OPA1: variants seen among roughly 807,000 people sequenced by gnomAD.
The protein encoded by OPA1 is OPA1 mitochondrial dynamin like GTPase, also known as dynamin-like GTPase OPA1, mitochondrial.
A neutral mutation model predicts 152.9 loss-of-function variants in OPA1; 59 were observed. The ratio of observed to expected loss-of-function variants is 0.39; its 90% CI spans 0.31 to 0.48. The LOEUF is 0.48. Among genes scored for constraint, OPA1 ranks in the 20% least tolerant of loss-of-function variants. The pLI is 0.96. For missense variants in OPA1, 1,008 were observed against 1,216.8 expected, an observed-to-expected ratio of 0.83 and a Z score of 2.55; for synonymous variants, 400 against 389.9, an observed-to-expected ratio of 1.03 and a Z score of -0.31.
intron 1 of OPA1, among the ~76,000 whole-genome samples, chr3:193,601,902 C>T (rs1484086254): frequency 1.3e-5 from 2 of 152,132 alleles, no homozygotes; most frequent in Non-Finnish European, 2.9e-5. Context: ...GGCACTGGCA[C>T]CCTTGGAATC....
intron 7 of OPA1, among the ~76,000 whole-genome samples, chr3:193,630,568 A>T (rs878946234): frequency 6.6e-6 from 1 of 152,204 alleles, no homozygotes; most frequent in African/African-American, 2.4e-5. Flanking sequence ...TGCTGCCATG[A>T]TGTGTTGTGA....
intron 1 of OPA1, among the ~76,000 whole-genome samples, chr3:193,596,520 G>A (rs528892183): frequency 4.0e-5 from 6 of 151,744 alleles, no homozygotes; most frequent in South Asian, 2.1e-4. Flanking sequence ...GATTACAGGC[G>A]TGCGCCACTG....
intron 29 of OPA1, chr3:193,668,279 C>G: frequency 6.7e-7 from 1 of 1,495,514 alleles, no homozygotes. Context: ...TATACGTAAC[C>G]CAACTTGAAT....
intron 1 of OPA1, among the ~76,000 whole-genome samples, chr3:193,593,891 A>G (rs747792168): frequency 2.0e-5 from 3 of 151,668 alleles, no homozygotes; most frequent in Non-Finnish European, 4.4e-5. Flanking sequence ...TCTATCGGGG[A>G]AAGGGGCGTC....
intron 16 of OPA1, 145 bp from the exon 17 acceptor site, chr3:193,645,408 A>G (rs1734413809): frequency 1.1e-5 from 7 of 620,320 alleles, no homozygotes; most frequent in East Asian, 2.9e-5. Flanking sequence ...TCAAATAGCA[A>G]TGGAAAAACA....
At chr3:193,640,574 A>G (rs1733634359) in intron 11 of OPA1, among the ~76,000 whole-genome samples, 2 of 152,178 alleles carry the variant, frequency 1.3e-5, no homozygotes, top group Non-Finnish European at 2.9e-5. Flanking sequence ...AAAGGAGAAG[A>G]GATTAAAGAC....
chr3:193,642,895 G>A (rs1329132519), intron 12 of OPA1, 50 bp downstream of exon 12: 1 of 1,551,038 alleles, frequency 6.4e-7, no homozygotes, highest in African/African-American at 1.4e-5. Flanking sequence ...TAACCTGGAT[G>A]AGCTTATAAA....
rs765139537 is a variant in OPA1, at chr3:193,615,759, A to G, written c.437A>G (p.Tyr146Cys). ...GACATTGTGTGGGAAATTGATGAGT[A>G]TATCGATTTTGGTTTGTATCATGAA... Reference protein sequence around the residue: ...VPDIVWEIDEYIDFEKIRKAL... With the variant: ...VPDIVWEIDECIDFEKIRKAL... The change falls in exon 3 of 31, where the codon TAT becomes TGT. Residue 146 changes from tyrosine (Y) to cysteine (C), a missense_variant. Tyr to Cys is a radical substitution (Grantham distance 194). Around this residue, in one of 7 missense-constraint regions of OPA1, gnomAD observed 408 missense variants for 395.1 expected, o/e 1.03. Coordinates refer to ENST00000361510, the MANE Select transcript of OPA1 (RefSeq NM_130837.3). The G allele has an allele frequency of 5.6e-6, 9 of 1,601,432 alleles. No homozygotes were observed. The highest frequency in any genetic ancestry group is 5.1e-6 in the Non-Finnish European group (6 of 1,168,616).
chr3:193,638,211 G>A (rs1733230617), intron 11 of OPA1, 146 bp downstream of exon 11: 1 of 716,998 alleles, frequency 1.4e-6, no homozygotes, highest in African/African-American at 1.7e-5. Context: ...GAAATCAGTA[G>A]AAGGCACAGC....
chr3:193,614,585 G>C (rs1728731422), intron 1 of OPA1, 138 bp from the exon 2 acceptor site: 6 of 737,296 alleles, frequency 8.1e-6, no homozygotes, highest in African/African-American at 6.9e-5. Context: ...TCAATGGTTA[G>C]TAAATGTGAA....
chr3:193,687,317 T>C (rs2109430031), intron 29 of OPA1, among the ~76,000 whole-genome samples: 1 of 152,304 alleles, frequency 6.6e-6, no homozygotes, highest in East Asian at 1.9e-4. Context: ...ATGTTTGAAA[T>C]AGCTCATCTT....
chr3:193,666,568 G>A (rs1020767615), intron 28 of OPA1, among the ~76,000 whole-genome samples, 179 bp downstream of exon 28: 2 of 152,160 alleles, frequency 1.3e-5, no homozygotes, highest in African/African-American at 2.4e-5. Flanking sequence ...CAGGAAAACC[G>A]CTTGAGGCCT....
chr3:193,602,364 G>A lies in OPA1; in HGVS notation c.32+8955G>A, dbSNP rs113354058. Reference sequence around the variant, plus strand: ...TCTTCTTCTGATGTCATTTCCGGAAGGCCCAGTCTCCAAATTCCAGACCAT... The same window carrying A: ...TCTTCTTCTGATGTCATTTCCGGAAAGCCCAGTCTCCAAATTCCAGACCAT... On this transcript the variant is annotated intron_variant, in intron 1 of 30. Coordinates refer to ENST00000361510, the MANE Select transcript of OPA1 (RefSeq NM_130837.3). 3.3e-5 allele frequency among the ~76,000 whole-genome samples: 5 copies of A among 152,260 alleles called. 1 individual carries two copies. The highest frequency in any genetic ancestry group is 9.6e-5 in the African/African-American group (4 of 41,558).
intron 18 of OPA1, 68 bp downstream of exon 18, chr3:193,645,868 C>G: frequency 1.7e-6 from 2 of 1,209,990 alleles, no homozygotes; most frequent in Non-Finnish European, 2.4e-6. Context: ...ACTGTTTTCA[C>G]TTAAAACATC....
Position 193,626,208 on chromosome 3 carries a change from G to T in OPA1, c.789+6G>T, listed in dbSNP as rs1308721841. ...ATGCCCAACAGAAGCGCAAGGTGAT[G>T]GATGGTTTAAGGGGGCTACCGATAC... is the stretch of plus-strand genomic sequence containing the variant. On this transcript the variant is annotated splice_donor_region_variant and intron_variant, in intron 7 of 30. Transcript: ENST00000361510. The T allele has an allele frequency of 2.5e-6, 4 of 1,608,000 alleles. No homozygotes were observed. The African/African-American group carries it at 5.4e-5, about 22-fold the overall frequency.
At position 193,615,730 on chromosome 3, in the gene OPA1, G is replaced by T. The variant is rs1728911247; in HGVS notation, c.408G>T (p.Val136=). The change falls in exon 3 of 31, where the codon GTG becomes GTT. Residue 136 remains valine (V), a synonymous_variant. Coordinates refer to ENST00000361510, the MANE Select transcript of OPA1 (RefSeq NM_130837.3). ...IPDLSEYKWI[V]PDIVWEIDEY... is the part of the protein sequence containing the mutation. ...ACCTTAGTGAATATAAATGGATTGT[G>T]CCTGACATTGTGTGGGAAATTGATG... is the stretch of plus-strand genomic sequence containing the variant. 6.2e-7 allele frequency: 1 copy of T among 1,612,578 alleles called. No individual in the cohort carries two copies. Among genetic ancestry groups the T allele is most frequent in the African/African-American group, 1.3e-5 (1 of 74,872 alleles).
At position 193,610,984 on chromosome 3, in the gene OPA1, T is replaced by A. The variant is rs186689673; in HGVS notation, c.33-3739T>A. ...GAATTCCCTGACCCCTTGTGCTTCC[T>A]GGGTGAGGCGATGCCTCGCCCTGCT... On this transcript the variant is annotated intron_variant, in intron 1 of 30. Transcript: ENST00000361510. Among the ~76,000 whole-genome samples the A allele has an allele frequency of 1.5e-3, 230 of 152,356 alleles. 1 individual carries two copies. The highest frequency in any genetic ancestry group is 2.4e-3 in the Non-Finnish European group (162 of 68,032).
chr3:193,656,248 A>C (rs1235157282), intron 22 of OPA1, among the ~76,000 whole-genome samples: 2 of 152,186 alleles, frequency 1.3e-5, no homozygotes, highest in Non-Finnish European at 2.9e-5. Flanking sequence ...TCTGTCCCTC[A>C]GCACTAGGTG....
chr3:193,658,776 G>A, intron 23 of OPA1, 111 bp from the exon 24 acceptor site: 1 of 759,966 alleles, frequency 1.3e-6, no homozygotes, highest in Non-Finnish European at 2.3e-6. Flanking sequence ...TTTTATGCTG[G>A]TTTATATACA....
Sources: gnomAD v4.1 joint callset for allele counts (sites outside exome capture counted in the v4.1 genomes callset) on GRCh38, gnomAD v4.1.1 for gene constraint, gnomAD v4.1.1 regional missense constraint, MANE v1.5 for transcripts, NCBI Gene and HGNC (gene_info 2026-07-23, HGNC 2026-07-21) for gene names.